Variants in TMCO6 observed in about 807,000 individuals in gnomAD.
The protein encoded by TMCO6 is transmembrane and coiled-coil domains 6.
In TMCO6, 47 loss-of-function variants were observed where a neutral mutation model predicts 61.8. That is an observed-to-expected ratio of 0.76 (90% CI 0.60 to 0.97). The LOEUF (loss-of-function observed/expected upper bound fraction) is 0.97. TMCO6 is among the 50% of genes least tolerant of loss of function. The pLI, the probability that TMCO6 is intolerant of heterozygous loss-of-function variation, is 0.00. For synonymous variants in TMCO6, 261 were observed against 254.2 expected, an observed-to-expected ratio of 1.03 and a Z score of -0.25; for missense variants, 557 against 601.6, an observed-to-expected ratio of 0.93 and a Z score of 0.78.
the TMCO6 span, among the ~76,000 whole-genome samples, chr5:140,605,397 AGG>A: frequency 6.6e-6 from 1 of 152,128 alleles, no homozygotes; most frequent in Non-Finnish European, 1.5e-5. Flanking sequence ...TGGCATCTTT[AGG>A]CCAGGTGTGG....
intron 10 of TMCO6, 25 bp from the exon 11 acceptor site, chr5:140,644,548 A>G: frequency 6.2e-7 from 1 of 1,605,976 alleles, no homozygotes; most frequent in Non-Finnish European, 8.5e-7. Context: ...CATTCTTTGT[A>G]GACTATATAT....
chr5:140,643,921 C>T lies in TMCO6; in HGVS notation c.1060C>T (p.Pro354Ser). Reference protein sequence around the residue: ...ILLQFFFQKQPSLLPEGLWLL... With the variant: ...ILLQFFFQKQSSLLPEGLWLL... ...TCTGCAGTTCTTTTTCCAGAAACAG[C>T]CCAGTCTGCTCCCTGAGGGCCTTTG... Residue 354 changes from proline to serine, a missense_variant, in exon 9 of 12, where the codon CCC (proline) becomes TCC (serine). Physicochemically the swap from Pro to Ser is moderately conservative, Grantham distance 74. Coordinates refer to ENST00000394671, the MANE Select transcript of TMCO6 (RefSeq NM_018502.5). 1 of 1,614,196 alleles carries T rather than the reference C, an allele frequency of 6.2e-7. No homozygotes were observed. The highest frequency in any genetic ancestry group is 8.5e-7 in the Non-Finnish European group (1 of 1,180,030).
chr5:140,644,555 ATATG>A lies in TMCO6; in HGVS notation c.1201-16_1201-13del. The stretch of plus-strand genomic sequence containing the variant: ...TTGTGTTTCATTCTTTGTAGACTAT[ATATG>A]TGTCTATCTGCAGGTGCTCACAGTT... On this transcript the variant is annotated splice_polypyrimidine_tract_variant and intron_variant, in intron 10 of 11. Transcript: ENST00000394671. 1 of 1,613,406 alleles carries A rather than the reference ATATG, an allele frequency of 6.2e-7. No individual in the cohort carries two copies. Among genetic ancestry groups the A allele is most frequent in the Non-Finnish European group, 8.5e-7 (1 of 1,179,680 alleles).
At chr5:140,632,949 A>G in the TMCO6 span, 4 of 1,613,308 alleles carry the variant, frequency 2.5e-6, no homozygotes, top group South Asian at 2.2e-5. This position sits in a 1 kb window ranked among gnomAD's most constrained non-coding sequence, Gnocchi z 6.2. Context: ...CACCAGCGGC[A>G]GCAGCAGCAG....
chr5:140,637,191 C>T (rs1756789257), upstream of TMCO6, among the ~76,000 whole-genome samples: 1 of 152,108 alleles, frequency 6.6e-6, no homozygotes, highest in South Asian at 2.1e-4. Context: ...GGCTTGTTGA[C>T]AAAGAGAAGG....
In TMCO6 at chr5:140,642,661, A is replaced by G. The variant is rs373610346; in HGVS notation, c.679A>G (p.Lys227Glu). The change falls in exon 6 of 12, where the codon AAG becomes GAG. Residue 227 changes from lysine (K) to glutamate (E), a missense_variant. Transcript: ENST00000394671. ...TCTACAGGCTGAGGAAGCTCCAGAG[A>G]AGATCATTCCGTGAGTAAAATTGTC... ...QLLQAEEAPE[K>E]IIPSILASTL... is the part of the protein sequence containing the mutation. The G allele has an allele frequency of 4.3e-6, 7 of 1,614,188 alleles. No homozygotes were observed. The highest frequency in any genetic ancestry group is 5.9e-6 in the Non-Finnish European group (7 of 1,180,034).
the TMCO6 span, among the ~76,000 whole-genome samples, chr5:140,597,069 C>A: frequency 2.6e-5 from 4 of 152,144 alleles, no homozygotes; most frequent in Admixed American, 6.5e-5. Flanking sequence ...GAAGACCAGA[C>A]ATATTCTTTA....
At chr5:140,633,818 C>G in the TMCO6 span, 1 of 122,292 alleles carries the variant, frequency 8.2e-6, no homozygotes, top group South Asian at 2.5e-4. Flanking sequence ...GAGATAGAGT[C>G]TTGCTCTGTT....
chr5:140,603,674 T>TG, the TMCO6 span, among the ~76,000 whole-genome samples: 18 of 109,546 alleles, frequency 1.6e-4, no homozygotes, highest in South Asian at 2.8e-4. Context: ...TATCAATATT[T>TG]GGGGTTTTTT....
chr5:140,608,028 G>T, the TMCO6 span, among the ~76,000 whole-genome samples: 2 of 152,260 alleles, frequency 1.3e-5, no homozygotes, highest in African/African-American at 4.8e-5. Flanking sequence ...GACCTGAAAT[G>T]ATCTGCCCGC....
the TMCO6 span, among the ~76,000 whole-genome samples, chr5:140,602,536 C>A: frequency 1.3e-5 from 2 of 151,602 alleles, no homozygotes; most frequent in Non-Finnish European, 2.9e-5. Context: ...GGCTGAGGCA[C>A]GTGGATCACT....
chr5:140,643,227 CTG>C (rs1290045182), intron 7 of TMCO6, 186 bp downstream of exon 7: 1 of 824,754 alleles, frequency 1.2e-6, no homozygotes, highest in Non-Finnish European at 1.8e-6. Context: ...CAGTCTCACT[CTG>C]TCACCCAGGC....
chr5:140,638,052 A>G (rs1482139401), upstream of TMCO6, among the ~76,000 whole-genome samples: 1 of 151,010 alleles, frequency 6.6e-6, no homozygotes, highest in Non-Finnish European at 1.5e-5. Context: ...TCCTAAGGGA[A>G]ATTGAACACT....
At chr5:140,613,347 C>T in the TMCO6 span, among the ~76,000 whole-genome samples, 2 of 144,362 alleles carry the variant, frequency 1.4e-5, no homozygotes, top group African/African-American at 5.3e-5. Flanking sequence ...CGAGATCGTG[C>T]CACTGTACTC....
chr5:140,617,666 G>A, the TMCO6 span, among the ~76,000 whole-genome samples: 4 of 151,800 alleles, frequency 2.6e-5, no homozygotes, highest in Admixed American at 2.0e-4. Context: ...CCCAGGATGC[G>A]GAGGTTGCAG....
the TMCO6 span, among the ~76,000 whole-genome samples, chr5:140,626,358 C>T: frequency 6.6e-6 from 1 of 152,058 alleles, no homozygotes; most frequent in South Asian, 2.1e-4. Context: ...ATCAGTTTGA[C>T]CATAAGGTAA....
At chr5:140,631,006 G>A in the TMCO6 span, among the ~76,000 whole-genome samples, 1 of 152,192 alleles carries the variant, frequency 6.6e-6, no homozygotes, top group Non-Finnish European at 1.5e-5. Context: ...ATGTGGACTA[G>A]AGGACAAATC....
intron 6 of TMCO6, 79 bp from the exon 7 acceptor site, chr5:140,642,846 C>A (rs1239635554): frequency 7.5e-6 from 12 of 1,610,406 alleles, no homozygotes; most frequent in African/African-American, 1.3e-5. Context: ...TTTGGACACT[C>A]TCCCACCTGC....
downstream of TMCO6, chr5:140,647,719 T>C (rs778594): frequency 0.41 from 550,362 of 1,328,290 alleles, 116,337 homozygotes; most frequent in East Asian, 0.47. Flanking sequence ...GATATAAAAG[T>C]ATTGTAGGAC....
Sources: allele counts gnomAD v4.1 joint callset (sites outside exome capture counted in the v4.1 genomes callset), GRCh38; gene constraint gnomAD v4.1.1; non-coding constraint Gnocchi (gnomAD v3.1); transcripts MANE v1.5; gene names NCBI Gene and HGNC (gene_info 2026-07-23, HGNC 2026-07-21).